SIRT3: variants seen among roughly 807,000 people sequenced by gnomAD.
The protein encoded by SIRT3 is sirtuin 3, also known as NAD-dependent protein deacetylase sirtuin-3, mitochondrial.
SIRT3 carries 26 observed loss-of-function variants against 33.5 expected under a neutral mutation model. The ratio of observed to expected loss-of-function variants is 0.78; its 90% CI spans 0.57 to 1.08. The LOEUF (loss-of-function observed/expected upper bound fraction) is 1.08, where lower values mean the gene tolerates loss of function less well. Ranked by LOEUF, SIRT3 falls within the 50% of genes least tolerant of loss-of-function variation. SIRT3 has a pLI of 0.00. For missense variants in SIRT3, 585 were observed against 530.1 expected, an observed-to-expected ratio of 1.10 and a Z score of -1.02; for synonymous variants, 237 against 222.1, an observed-to-expected ratio of 1.07 and a Z score of -0.60.
intron 4 of SIRT3, among the ~76,000 whole-genome samples, chr11:226,754 A>ATTTTTTTTTT (rs1483012577): frequency 1.3e-5 from 1 of 78,592 alleles, no homozygotes; most frequent in African/African-American, 9.3e-5. Flanking sequence ...AATTATTATT[A>ATTTTTTTTTT]TTATTTTTTT....
intron 3 of SIRT3, 135 bp downstream of exon 3, chr11:232,848 T>G: frequency 1.3e-6 from 1 of 748,398 alleles, no homozygotes; most frequent in Non-Finnish European, 2.2e-6. Flanking sequence ...GCATAAGCGA[T>G]AGGTTTTGGC....
chr11:231,527 T>C (rs755330565), intron 3 of SIRT3, among the ~76,000 whole-genome samples: 6 of 152,196 alleles, frequency 3.9e-5, no homozygotes, highest in Non-Finnish European at 8.8e-5. Flanking sequence ...TCCAAAAGAA[T>C]TGCTTGGTAG....
chr11:223,684 G>A lies in SIRT3; in HGVS notation c.969+394C>T. ...ACACCTATACCACCTCCAAAGCCCA[G>A]CAGCTTCCCACCTTCCTGTCTCCTG... On this transcript the variant is annotated intron_variant, in intron 5 of 6. Transcript: ENST00000382743. This position sits in a 1 kb window ranked among gnomAD's most constrained non-coding sequence, Gnocchi z 4.8. 1 of 608,972 alleles carries A rather than the reference G, an allele frequency of 1.6e-6. No individual in the cohort carries two copies. The highest frequency in any genetic ancestry group is 3.0e-6 in the Non-Finnish European group (1 of 332,890). The allele number at this position is 608,972 out of a possible 1,614,324, so 37.7% of individuals were successfully genotyped here.
chr11:232,649 A>G (rs1465804637), intron 3 of SIRT3, among the ~76,000 whole-genome samples: 1 of 152,042 alleles, frequency 6.6e-6, no homozygotes, highest in African/African-American at 2.4e-5. Flanking sequence ...TCCATAATAC[A>G]CTTCTTAAAA....
In SIRT3 at chr11:236,070, C is replaced by A; in HGVS notation, c.259G>T (p.Ala87Ser). The A allele has an allele frequency of 6.5e-7, 1 of 1,540,104 alleles. No individual in the cohort carries two copies. Among genetic ancestry groups the A allele is most frequent in the Non-Finnish European group, 8.7e-7 (1 of 1,144,062 alleles). Residue 87 changes from alanine to serine, a missense_variant, in exon 1 of 7, where the codon GCT (alanine) becomes TCT (serine). Ala to Ser is a moderately conservative substitution (Grantham distance 99, BLOSUM62 1). Transcript: ENST00000382743. Reference sequence around the variant, plus strand: ...TACCTCGAAAAGAAGAAACTGGGAGCTGCTGCCCTCGGCTGCCTCCGGAAT... The same window carrying A: ...TACCTCGAAAAGAAGAAACTGGGAGATGCTGCCCTCGGCTGCCTCCGGAAT... ...RAFRRQPRAA[A>S]PSFFFSSIKG...
chr11:226,757 A>T (rs12419995), intron 4 of SIRT3, among the ~76,000 whole-genome samples: 47,305 of 136,542 alleles, frequency 0.35, 9,496 homozygotes, highest in Middle Eastern at 0.51. Context: ...TATTATTATT[A>T]TTTTTTTTTT....
In SIRT3 at chr11:233,210, G is replaced by T. The variant is rs200027212; in HGVS notation, c.479C>A (p.Pro160Gln). Reference protein sequence around the residue: ...TPSGIPDFRSPGSGLYSNLQQ... With the variant: ...TPSGIPDFRSQGSGLYSNLQQ... Reference sequence around the variant, plus strand: ...GAGGTTGCTGTACAGGCCACTCCCCGGCGATCTGCAGGGAGAGAAGAAAGG... The same window carrying T: ...GAGGTTGCTGTACAGGCCACTCCCCTGCGATCTGCAGGGAGAGAAGAAAGG... Residue 160 changes from proline to glutamine, a missense_variant, in exon 3 of 7, where the codon CCG becomes CAG. Coordinates refer to ENST00000382743, the MANE Select transcript of SIRT3 (RefSeq NM_012239.6). 19 of 1,613,016 alleles carry T rather than the reference G, an allele frequency of 1.2e-5. No homozygotes were observed. The highest frequency in any genetic ancestry group is 1.1e-4 in the East Asian group (5 of 44,872).
intron 6 of SIRT3, among the ~76,000 whole-genome samples, chr11:218,391 A>G (rs111880443): frequency 0.017 from 2,627 of 152,340 alleles, 56 homozygotes; most frequent in African/African-American, 0.048. Flanking sequence ...ATAATTGATC[A>G]ATGGCTCTCA....
At position 223,600 on chromosome 11, in the gene SIRT3, T is replaced by A; in HGVS notation, c.969+478A>T. 4.7e-5 allele frequency: 16 copies of A among 340,846 alleles called. No individual in the cohort carries two copies. The highest frequency in any genetic ancestry group is 8.1e-5 in the Non-Finnish European group (14 of 173,586). The allele number at this position is 340,846 out of a possible 1,614,324, so 21.1% of individuals were successfully genotyped here. A position where few individuals can be genotyped will look rare whatever the true frequency, so the allele number is the denominator to read the frequency against. ...GATCTGACCTGGGAGGCCCTGCCCC[T>A]CCACCTCGCCCCCACACCCCCATCC... On this transcript the variant is annotated intron_variant, in intron 5 of 6. Coordinates refer to ENST00000382743, the MANE Select transcript of SIRT3 (RefSeq NM_012239.6). This position sits in a 1 kb window ranked among gnomAD's most constrained non-coding sequence, Gnocchi z 4.8.
chr11:231,773 G>A (rs1406315471), intron 3 of SIRT3, among the ~76,000 whole-genome samples: 1 of 152,160 alleles, frequency 6.6e-6, no homozygotes, highest in East Asian at 1.9e-4. Context: ...TGCCTCTGTG[G>A]TTCCAAGTCA....
At chr11:219,874 A>G (rs571672683) in intron 5 of SIRT3, among the ~76,000 whole-genome samples, 2 of 152,376 alleles carry the variant, frequency 1.3e-5, no homozygotes, top group African/African-American at 2.4e-5. Flanking sequence ...CGGTATCTAC[A>G]TAAAACTACT....
At position 233,011 on chromosome 11, in the gene SIRT3, G is replaced by A; in HGVS notation, c.678C>T (p.Tyr226=). 1 of 1,614,128 alleles carries A rather than the reference G, an allele frequency of 6.2e-7. No individual in the cohort carries two copies. Among genetic ancestry groups the A allele is most frequent in the Non-Finnish European group, 8.5e-7 (1 of 1,179,972 alleles). The change falls in exon 3 of 7, where the codon TAC becomes TAT. Residue 226 remains tyrosine, a synonymous_variant. Coordinates refer to ENST00000382743, the MANE Select transcript of SIRT3 (RefSeq NM_012239.6). ...TCTCAAGCCCATCGATGTTCTGCGT[G>A]TAGAGCCGCAGAAGCAGCCCCTTGT... ...LHDKGLLLRL[Y]TQNIDGLERV... is the part of the protein sequence containing the mutation.
intron 4 of SIRT3, among the ~76,000 whole-genome samples, chr11:225,374 T>TG (rs1857035932): frequency 6.6e-6 from 1 of 152,062 alleles, no homozygotes; most frequent in Admixed American, 6.6e-5. Flanking sequence ...ATTGCACCAC[T>TG]GCACTCCAGC....
Position 233,648 on chromosome 11 carries a change from G to T in SIRT3, c.282-114C>A, listed in dbSNP as rs116700682. ...CCGCCACCCTCGAGAATGAGCATGTGTGTCTCCCCAGGCCTCTCAAAATAA... is the reference window on the plus strand; with the variant it reads ...CCGCCACCCTCGAGAATGAGCATGTTTGTCTCCCCAGGCCTCTCAAAATAA... On this transcript the variant is annotated intron_variant, in intron 1 of 6. Coordinates refer to ENST00000382743, the MANE Select transcript of SIRT3 (RefSeq NM_012239.6). 1.1e-3 allele frequency: 1,079 copies of T among 943,594 alleles called. 9 individuals are homozygous for T. In the African/African-American group the frequency reaches 0.015, roughly 13 times the overall value. 58.5% of individuals were successfully genotyped at this position (943,594 alleles called of 1,614,324 possible).
At chr11:233,606 C>T (rs1858428413) in intron 1 of SIRT3, 72 bp from the exon 2 acceptor site, 1 of 1,460,882 alleles carries the variant, frequency 6.8e-7, no homozygotes, top group East Asian at 2.3e-5. Context: ...ACGAGCATGG[C>T]TCTGCCCTCT....
At chr11:224,489 A>G (rs1047836553) in intron 4 of SIRT3, among the ~76,000 whole-genome samples, 1 of 152,158 alleles carries the variant, frequency 6.6e-6, no homozygotes, top group East Asian at 1.9e-4. Context: ...TTTCACCCAT[A>G]ATTACTTCGG....
At chr11:231,904 T>C (rs904829837) in intron 3 of SIRT3, among the ~76,000 whole-genome samples, 7 of 151,140 alleles carry the variant, frequency 4.6e-5, no homozygotes, top group Non-Finnish European at 8.8e-5. Context: ...TCCCAGCACC[T>C]GTCTGCATCA....
chr11:236,885 A>T, upstream of SIRT3: 1 of 640,166 alleles, frequency 1.6e-6, no homozygotes, highest in South Asian at 1.8e-5. Context: ...GAGCGCAGAG[A>T]CGCGCTGTAA....
chr11:225,809 T>A (rs2133872939), intron 4 of SIRT3: 1 of 152,270 alleles, frequency 6.6e-6, no homozygotes, highest in South Asian at 2.1e-4. Context: ...GCAACTCATA[T>A]CCGAAGAGAT....
Sources: allele counts gnomAD v4.1 joint callset (sites outside exome capture counted in the v4.1 genomes callset), GRCh38; gene constraint gnomAD v4.1.1; non-coding constraint Gnocchi (gnomAD v3.1); transcripts MANE v1.5; gene names NCBI Gene and HGNC (gene_info 2026-07-23, HGNC 2026-07-21).